The following LHFPL2 variants were observed in gnomAD, a reference collection of about 807,000 sequenced individuals.
LHFPL2 encodes the protein LHFPL tetraspan subfamily member 2.
LHFPL2 carries 7 observed loss-of-function variants against 17.5 expected under a neutral mutation model. That is an observed-to-expected ratio of 0.40 (90% CI 0.23 to 0.75). The LOEUF is 0.75. Ranked by LOEUF, LHFPL2 falls within the 30% of genes least tolerant of loss-of-function variation. LHFPL2 has a pLI of 0.37. For synonymous variants in LHFPL2, 134 were observed against 116.2 expected, an observed-to-expected ratio of 1.15 and a Z score of -0.99; for missense variants, 241 against 294.8, an observed-to-expected ratio of 0.82 and a Z score of 1.34.
chr5:78,597,144 G>C (rs1743852363), intron 2 of LHFPL2, among the ~76,000 whole-genome samples: 2 of 152,254 alleles, frequency 1.3e-5, no homozygotes, highest in African/African-American at 4.8e-5. Context: ...GGTCTGGTGG[G>C]GCTGGGGTGC....
rs557410639 is a variant in LHFPL2, at chr5:78,584,980, C to G, written c.-244-20109G>C. Reference sequence around the variant, plus strand: ...CTCTGAGCCAGGTGCGGGATATAATCTCCTGGTGCGCTGTGTTTTTTTTTT... The same window carrying G: ...CTCTGAGCCAGGTGCGGGATATAATGTCCTGGTGCGCTGTGTTTTTTTTTT... On this transcript the variant is annotated intron_variant, in intron 2 of 4. Coordinates refer to ENST00000380345, the MANE Select transcript of LHFPL2 (RefSeq NM_005779.3). 4.6e-3 allele frequency among the ~76,000 whole-genome samples: 646 copies of G among 140,350 alleles called. 24 individuals carry two copies. Among genetic ancestry groups the G allele is most frequent in the African/African-American group, 0.016 (615 of 37,328 alleles). The allele number at this position is 140,350 out of a possible 152,430, so 92.1% of individuals were successfully genotyped here.
At position 78,485,974 on chromosome 5, in the gene LHFPL2, GAAAC is replaced by G. The variant is rs900043518; in HGVS notation, c.*2919_*2922del. ...ATGTGGAACTCTCCTTGCCAAAACA[GAAAC>G]AAACATCCCTGTTTTGACTCCTGTC... On this transcript the variant is annotated 3_prime_UTR_variant, in exon 5 of 5. Transcript: ENST00000380345. The G allele has an allele frequency of 2.6e-5, 4 of 152,382 alleles. No individual in the cohort carries two copies. Among genetic ancestry groups the G allele is most frequent in the Non-Finnish European group, 4.4e-5 (3 of 67,996 alleles). The allele number at this position is 152,382 out of a possible 1,614,324, so 9.4% of individuals were successfully genotyped here.
chr5:78,578,058 A>G (rs75595900), intron 2 of LHFPL2, among the ~76,000 whole-genome samples: 5,448 of 152,300 alleles, frequency 0.036, 328 homozygotes, highest in African/African-American at 0.12. Flanking sequence ...GGAAAGAAAG[A>G]CAAGTACAGA....
intron 4 of LHFPL2, among the ~76,000 whole-genome samples, chr5:78,506,199 ATT>A (rs939454862): frequency 5.3e-5 from 8 of 152,166 alleles, no homozygotes; most frequent in Admixed American, 1.3e-4. Context: ...GAATATCAAG[ATT>A]TTGATTATTT....
intron 1 of LHFPL2, among the ~76,000 whole-genome samples, chr5:78,642,506 A>C (rs139484609): frequency 6.6e-6 from 1 of 152,220 alleles, no homozygotes. Context: ...CAATCAAGCC[A>C]GTCAGGCCTG....
At chr5:78,543,844 C>A (rs192686386) in intron 3 of LHFPL2, among the ~76,000 whole-genome samples, 1 of 152,176 alleles carries the variant, frequency 6.6e-6, no homozygotes, top group African/African-American at 2.4e-5. Flanking sequence ...CATTGCTGCA[C>A]GTGAACTAAA....
chr5:78,497,267 C>T (rs1754635391), intron 4 of LHFPL2, among the ~76,000 whole-genome samples: 1 of 143,058 alleles, frequency 7.0e-6, no homozygotes, highest in South Asian at 2.5e-4. Flanking sequence ...TGGCTAACTC[C>T]TCTATCTCCT....
chr5:78,625,892 A>G (rs1315043309), intron 2 of LHFPL2: 1 of 152,242 alleles, frequency 6.6e-6, no homozygotes, highest in South Asian at 2.1e-4. Context: ...AGTCTCTCCC[A>G]GCTTTCCTAT....
At chr5:78,637,314 G>C (rs1745486321) in intron 1 of LHFPL2, among the ~76,000 whole-genome samples, 1 of 147,396 alleles carries the variant, frequency 6.8e-6, no homozygotes, top group Non-Finnish European at 1.5e-5. Context: ...ATGGAAGGAA[G>C]TTAGAGCCTT....
rs371876645 is a variant in LHFPL2 at position 78,583,059 on chromosome 5, T to C, written c.-244-18188A>G. ...TATGTAATGGCCTTGTCTCTTTTGA[T>C]CTTTGTTGCTTTAAAGTCTGTTTTA... On this transcript the variant is annotated intron_variant, in intron 2 of 4. Transcript: ENST00000380345. Among the ~76,000 whole-genome samples, 5 of 152,318 alleles carry C rather than the reference T, an allele frequency of 3.3e-5. No individual in the cohort carries two copies. The East Asian group carries it at 9.6e-4, about 29-fold the overall frequency.
At chr5:78,619,507 T>G (rs1209432678) in intron 2 of LHFPL2, among the ~76,000 whole-genome samples, 1 of 149,064 alleles carries the variant, frequency 6.7e-6, no homozygotes, top group East Asian at 1.9e-4. Flanking sequence ...ATATTTATTT[T>G]ATTATTATTA....
At chr5:78,518,549 G>A (rs1755354792) in intron 3 of LHFPL2, among the ~76,000 whole-genome samples, 1 of 152,202 alleles carries the variant, frequency 6.6e-6, no homozygotes, top group Non-Finnish European at 1.5e-5. Flanking sequence ...TCAGGGGAAC[G>A]TGAGCTCCAC....
intron 2 of LHFPL2, among the ~76,000 whole-genome samples, chr5:78,584,061 C>T (rs1349504702): frequency 2.0e-5 from 3 of 152,100 alleles, no homozygotes; most frequent in Admixed American, 2.0e-4. Context: ...ACCCTTTCTT[C>T]CAGTTGATCG....
At chr5:78,643,081 C>T (rs556337066) in intron 1 of LHFPL2, among the ~76,000 whole-genome samples, 7 of 152,206 alleles carry the variant, frequency 4.6e-5, no homozygotes, top group South Asian at 2.1e-4. Flanking sequence ...ACACAGCTTT[C>T]GAGATGAAAT....
chr5:78,642,365 C>T (rs530159627), intron 1 of LHFPL2, among the ~76,000 whole-genome samples: 1 of 152,298 alleles, frequency 6.6e-6, no homozygotes, highest in African/African-American at 2.4e-5. Flanking sequence ...CTATCAAACA[C>T]ATTCACAACC....
intron 3 of LHFPL2, among the ~76,000 whole-genome samples, chr5:78,543,323 C>T (rs540106270): frequency 6.6e-5 from 10 of 152,312 alleles, no homozygotes; most frequent in African/African-American, 2.4e-4. Context: ...ATTTCTCCTC[C>T]TAACCTCATT....
chr5:78,584,283 C>G (rs1053828200), intron 2 of LHFPL2, among the ~76,000 whole-genome samples: 23 of 151,296 alleles, frequency 1.5e-4, no homozygotes, highest in African/African-American at 5.6e-4. Context: ...TCTCTCAGCT[C>G]GTCAAAGTCA....
intron 4 of LHFPL2, among the ~76,000 whole-genome samples, chr5:78,498,888 A>G (rs949193102): frequency 3.3e-5 from 5 of 152,252 alleles, no homozygotes; most frequent in Admixed American, 2.6e-4. Flanking sequence ...TCCCATTATA[A>G]AACAGCACTG....
intron 3 of LHFPL2, among the ~76,000 whole-genome samples, chr5:78,520,423 A>C (rs1366514487): frequency 1.3e-5 from 2 of 152,160 alleles, no homozygotes; most frequent in African/African-American, 4.8e-5. Context: ...CTTGCAGATC[A>C]CCACTGTCAC....
Sources: gnomAD v4.1 joint callset for allele counts (sites outside exome capture counted in the v4.1 genomes callset) on GRCh38, gnomAD v4.1.1 for gene constraint, MANE v1.5 for transcripts, NCBI Gene and HGNC (gene_info 2026-07-23, HGNC 2026-07-21) for gene names.